NCALD: variants seen among roughly 807,000 people sequenced by gnomAD.
NCALD encodes neurocalcin delta, also known as neurocalcin-delta.
NCALD carries 10 observed loss-of-function variants against 18.6 expected under a neutral mutation model. The observed-to-expected ratio is 0.54, with a 90% confidence interval of 0.33 to 0.91. The LOEUF (loss-of-function observed/expected upper bound fraction) is 0.91. NCALD is among the 40% of genes least tolerant of loss of function. The pLI, the probability that NCALD is intolerant of heterozygous loss-of-function variation, is 0.03. For synonymous variants in NCALD, 88 were observed against 87.4 expected, an observed-to-expected ratio of 1.01 and a Z score of -0.04; for missense variants, 184 against 247.6, an observed-to-expected ratio of 0.74 and a Z score of 1.72.
chr8:101,738,565 AAAAAAAAG>A (rs1310362134), intron 1 of NCALD, among the ~76,000 whole-genome samples: 29 of 151,766 alleles, frequency 1.9e-4, no homozygotes, highest in Non-Finnish European at 3.2e-4. Flanking sequence ...AAAAAAAAAA[AAAAAAAAG>A]AAGAAGAAGA....
At chr8:102,034,532 C>G (rs975707272) in intron 1 of NCALD, among the ~76,000 whole-genome samples, 2 of 152,186 alleles carry the variant, frequency 1.3e-5, no homozygotes, top group Non-Finnish European at 2.9e-5. Context: ...ATACCTTCCT[C>G]TATAGTGATG....
intron 1 of NCALD, among the ~76,000 whole-genome samples, chr8:102,087,372 A>G (rs989056953): frequency 1.3e-5 from 2 of 152,004 alleles, no homozygotes; most frequent in Admixed American, 6.6e-5. Flanking sequence ...ACACCCCCCA[A>G]CCCAAAGGAA....
chr8:101,880,567 T>G (rs1816452203), intron 4 of NCALD, among the ~76,000 whole-genome samples: 3 of 152,232 alleles, frequency 2.0e-5, no homozygotes, highest in Admixed American at 1.3e-4. Context: ...CGCTGTCACC[T>G]CTCACTGGTA....
intron 1 of NCALD, among the ~76,000 whole-genome samples, chr8:102,042,430 G>A (rs901745167): frequency 1.3e-5 from 2 of 151,918 alleles, no homozygotes; most frequent in African/African-American, 4.9e-5. Context: ...GGCTCCTACA[G>A]TTTGGAAGAC....
intron 1 of NCALD, among the ~76,000 whole-genome samples, chr8:101,749,803 C>T (rs944162385): frequency 2.0e-5 from 3 of 152,154 alleles, no homozygotes; most frequent in Non-Finnish European, 4.4e-5. Context: ...TATATTCCCT[C>T]TATCTCTCTC....
intron 3 of NCALD, among the ~76,000 whole-genome samples, chr8:101,896,350 A>G (rs1232130751): frequency 5.3e-5 from 8 of 152,020 alleles, no homozygotes; most frequent in Non-Finnish European, 5.9e-5. Context: ...CTTACACCTT[A>G]TACAAAAATC....
chr8:101,921,165 A>C (rs1315303474), intron 2 of NCALD, among the ~76,000 whole-genome samples: 1 of 151,920 alleles, frequency 6.6e-6, no homozygotes, highest in Non-Finnish European at 1.5e-5. Flanking sequence ...GCATTTAAGT[A>C]CCTCTGAGAG....
At chr8:101,862,987 G>T (rs566375860) in intron 4 of NCALD, among the ~76,000 whole-genome samples, 1 of 152,274 alleles carries the variant, frequency 6.6e-6, no homozygotes, top group Admixed American at 6.5e-5. Context: ...AGAAGTGAAG[G>T]CCCAAGAAGA....
rs183716339 is a variant in NCALD at position 101,819,563 on chromosome 8, A to G, written c.-20+67578T>C. 2.6e-5 allele frequency among the ~76,000 whole-genome samples: 4 copies of G among 152,168 alleles called. No individual in the cohort carries two copies. The East Asian group carries it at 5.8e-4, about 22-fold the overall frequency. On this transcript the variant is annotated intron_variant, in intron 4 of 6. Transcript: ENST00000311028. The stretch of plus-strand genomic sequence containing the variant: ...ATTATTATTCCTTATTTTTTACTAT[A>G]TAAGCGCTACATTGCTCTCCCCTGT...
chr8:102,108,706 T>C (rs1489686925), intron 1 of NCALD, among the ~76,000 whole-genome samples: 1 of 152,136 alleles, frequency 6.6e-6, no homozygotes, highest in East Asian at 1.9e-4. Flanking sequence ...TCTGACATAG[T>C]GCCTTGGACA....
At chr8:101,993,263 G>A (rs6468808) in intron 2 of NCALD, among the ~76,000 whole-genome samples, 92,050 of 151,504 alleles carry the variant, frequency 0.61, 29,715 homozygotes, top group African/African-American at 0.82. Context: ...TTAGAATGCC[G>A]TACCCCAAAT....
chr8:101,868,530 G>A (rs1221267907), intron 4 of NCALD, among the ~76,000 whole-genome samples: 1 of 152,210 alleles, frequency 6.6e-6, no homozygotes, highest in Non-Finnish European at 1.5e-5. Context: ...CTGCCTGGCA[G>A]ATGGAAAGTT....
At chr8:101,988,071 C>A (rs1820884278) in intron 2 of NCALD, among the ~76,000 whole-genome samples, 2 of 136,938 alleles carry the variant, frequency 1.5e-5, no homozygotes, top group African/African-American at 5.6e-5. Flanking sequence ...AGGAGAATGG[C>A]GGGAATCCGG....
intron 2 of NCALD, among the ~76,000 whole-genome samples, chr8:101,965,589 G>A (rs1292691826): frequency 2.0e-5 from 3 of 152,000 alleles, no homozygotes; most frequent in African/African-American, 7.2e-5. Flanking sequence ...ACAGGGAGGG[G>A]AACATCACAC....
chr8:102,062,073 A>T (rs1823866769), intron 1 of NCALD, among the ~76,000 whole-genome samples: 2 of 152,236 alleles, frequency 1.3e-5, no homozygotes, highest in South Asian at 4.1e-4. Flanking sequence ...CCATATGTAG[A>T]TAAGATCACA....
chr8:101,706,011 C>T (rs1253166654), intron 2 of NCALD, among the ~76,000 whole-genome samples: 1 of 152,192 alleles, frequency 6.6e-6, no homozygotes, highest in African/African-American at 2.4e-5. Flanking sequence ...GCCTGAAACA[C>T]AGTAACTCGA....
intron 1 of NCALD, among the ~76,000 whole-genome samples, chr8:101,740,180 C>A (rs188785128): frequency 1.2e-3 from 180 of 152,324 alleles, no homozygotes; most frequent in African/African-American, 3.7e-3. Context: ...CTTTTAGAAT[C>A]ATGTACAGGG....
chr8:101,788,014 C>G (rs1473757005), intron 1 of NCALD, among the ~76,000 whole-genome samples: 1 of 152,126 alleles, frequency 6.6e-6, no homozygotes, highest in African/African-American at 2.4e-5. Context: ...TTTCCCAATC[C>G]AGGGGACATA....
chr8:102,013,177 T>C (rs76709125), intron 2 of NCALD, among the ~76,000 whole-genome samples: 195 of 152,304 alleles, frequency 1.3e-3, no homozygotes, highest in African/African-American at 4.5e-3. Flanking sequence ...AGGGAGTGAA[T>C]TGAATTGCTG....
Sources: gnomAD v4.1 joint callset for allele counts (sites outside exome capture counted in the v4.1 genomes callset) on GRCh38, gnomAD v4.1.1 for gene constraint, MANE v1.5 for transcripts, NCBI Gene and HGNC (gene_info 2026-07-23, HGNC 2026-07-21) for gene names.